Variants in TTC27 observed in about 807,000 individuals in gnomAD.
TTC27 encodes the protein tetratricopeptide repeat domain 27, also known as tetratricopeptide repeat protein 27.
TTC27 carries 79 observed loss-of-function variants against 115.9 expected under a neutral mutation model. That is an observed-to-expected ratio of 0.68 (90% CI 0.57 to 0.82). TTC27 has a LOEUF of 0.82. Among genes scored for constraint, TTC27 ranks in the 40% least tolerant of loss-of-function variants. The pLI, the probability that TTC27 is intolerant of heterozygous loss-of-function variation, is 0.00. For missense variants in TTC27, 1,054 were observed against 993.1 expected, an observed-to-expected ratio of 1.06 and a Z score of -0.82; for synonymous variants, 401 against 356.0, an observed-to-expected ratio of 1.13 and a Z score of -1.42.
At chr2:32,683,929 G>T (rs1368065452) in intron 9 of TTC27, among the ~76,000 whole-genome samples, 2 of 152,096 alleles carry the variant, frequency 1.3e-5, no homozygotes, top group Non-Finnish European at 2.9e-5. Flanking sequence ...GCCAAGGTGG[G>T]CAGATCACAA....
chr2:32,727,049 C>T (rs944089692), intron 10 of TTC27, among the ~76,000 whole-genome samples: 2 of 152,176 alleles, frequency 1.3e-5, no homozygotes, highest in African/African-American at 4.8e-5. Context: ...GGGTCCCTCC[C>T]ACAACATGTG....
intron 10 of TTC27, among the ~76,000 whole-genome samples, chr2:32,714,526 A>G (rs1014553425): frequency 4.6e-5 from 7 of 152,128 alleles, no homozygotes; most frequent in African/African-American, 7.2e-5. Flanking sequence ...TGCCTTTGCT[A>G]TTGTGAATAG....
intron 7 of TTC27, among the ~76,000 whole-genome samples, chr2:32,670,208 C>T (rs114570964): frequency 0.034 from 5,242 of 152,074 alleles, 172 homozygotes; most frequent in African/African-American, 0.09. Context: ...TCCTAAAGTC[C>T]TCTTTTTTTG....
intron 16 of TTC27, among the ~76,000 whole-genome samples, chr2:32,801,153 TCA>T (rs1670921113): frequency 6.6e-6 from 1 of 152,188 alleles, no homozygotes; most frequent in Non-Finnish European, 1.5e-5. Flanking sequence ...AGAGTTTTTC[TCA>T]GTGTTTTAAC....
At chr2:32,796,012 A>G (rs1670691251) in intron 16 of TTC27, among the ~76,000 whole-genome samples, 2 of 152,176 alleles carry the variant, frequency 1.3e-5, no homozygotes, top group Non-Finnish European at 2.9e-5. Flanking sequence ...TTGGTAAGAA[A>G]TAAAATTATC....
chr2:32,637,804 A>G (rs945463677), intron 3 of TTC27, among the ~76,000 whole-genome samples: 2 of 152,200 alleles, frequency 1.3e-5, no homozygotes, highest in African/African-American at 4.8e-5. Context: ...AAGTCAGTAT[A>G]TTCACTGTAC....
In TTC27 at chr2:32,650,225, T is replaced by C; in HGVS notation, c.632T>C (p.Ile211Thr). The change falls in exon 5 of 20, where the codon ATT becomes ACT. Residue 211 changes from isoleucine (I) to threonine (T), a missense_variant. Physicochemically the swap from Ile to Thr is moderately conservative, Grantham distance 89. Transcript: ENST00000317907. ...PLLFTLAENC[I>T]DQVMKLQNLF... ...CTTTTTACTCTTGCCGAAAACTGTA[T>C]TGATCAAGGTATGTAGCAGATTTTT... 2 of 1,613,472 alleles carry C rather than the reference T, an allele frequency of 1.2e-6. No homozygotes were observed. The highest frequency in any genetic ancestry group is 1.7e-6 in the Non-Finnish European group (2 of 1,179,638).
At position 32,765,916 on chromosome 2, in the gene TTC27, C is replaced by T. The variant is rs535991229; in HGVS notation, c.1680+7397C>T. Among the ~76,000 whole-genome samples, 4 of 152,302 alleles carry T rather than the reference C, an allele frequency of 2.6e-5. No individual in the cohort carries two copies. The East Asian group carries it at 7.7e-4, about 29-fold the overall frequency. On this transcript the variant is annotated intron_variant, in intron 13 of 19. Coordinates refer to ENST00000317907, the MANE Select transcript of TTC27 (RefSeq NM_017735.5). ...AGTTAGGGCCTAGCTCTGAATTAGGCTTTGACTGAAGAGAATGTTATGGCT... is the reference window on the plus strand; with the variant it reads ...AGTTAGGGCCTAGCTCTGAATTAGGTTTTGACTGAAGAGAATGTTATGGCT...
chr2:32,782,570 G>A, intron 14 of TTC27, 56 bp from the exon 15 acceptor site: 1 of 1,524,318 alleles, frequency 6.6e-7, no homozygotes, highest in African/African-American at 1.4e-5. Context: ...TTTGGTTTAA[G>A]CAATAATTTT....
At chr2:32,722,858 G>T (rs1667972577) in intron 10 of TTC27, among the ~76,000 whole-genome samples, 1 of 152,146 alleles carries the variant, frequency 6.6e-6, no homozygotes, top group African/African-American at 2.4e-5. Flanking sequence ...TGTGGGAAAA[G>T]AACATGCAAA....
rs376112688 is a variant in TTC27, at chr2:32,664,403, C to T, written c.741C>T (p.Tyr247=). ...ATGTGTTTTTATATTATTATGAGTA[C>T]AGAAAAGCAAAAGATCAGTTGGATA... The part of the protein sequence containing the change: ...CAYVFLYYYE[Y]RKAKDQLDIA... Residue 247 remains tyrosine (Y), a synonymous_variant, in exon 6 of 20, where the codon TAC becomes TAT. Coordinates refer to ENST00000317907, the MANE Select transcript of TTC27 (RefSeq NM_017735.5). 2 of 1,612,294 alleles carry T rather than the reference C, an allele frequency of 1.2e-6. No homozygotes were observed. Among genetic ancestry groups the T allele is most frequent in the African/African-American group, 2.7e-5 (2 of 74,850 alleles).
intron 5 of TTC27, among the ~76,000 whole-genome samples, chr2:32,659,735 A>C (rs1351202944): frequency 6.6e-6 from 1 of 152,050 alleles, no homozygotes; most frequent in Non-Finnish European, 1.5e-5. Flanking sequence ...CTCATTGTTC[A>C]GCTCCTACTT....
At chr2:32,798,103 A>T (rs1392608070) in intron 16 of TTC27, among the ~76,000 whole-genome samples, 1 of 18,346 alleles carries the variant, frequency 5.5e-5, no homozygotes, top group South Asian at 2.3e-3. Context: ...AAAAAAAATT[A>T]AAAAAAAAAA....
intron 7 of TTC27, among the ~76,000 whole-genome samples, chr2:32,671,103 A>G (rs1271878784): frequency 1.3e-5 from 2 of 152,204 alleles, no homozygotes; most frequent in African/African-American, 4.8e-5. Context: ...AGTCTAATTT[A>G]TGAAGTTTTT....
chr2:32,732,016 T>TTTATTA (rs1668308569), intron 10 of TTC27, among the ~76,000 whole-genome samples: 1 of 149,918 alleles, frequency 6.7e-6, no homozygotes, highest in Non-Finnish European at 1.5e-5. Flanking sequence ...ACAATGTTGC[T>TTTATTA]TTTGTTTTTA....
Position 32,787,110 on chromosome 2 carries a change from C to T in TTC27, c.1959C>T (p.His653=). The T allele has an allele frequency of 1.9e-6, 3 of 1,613,828 alleles. No individual in the cohort carries two copies. The highest frequency in any genetic ancestry group is 2.5e-6 in the Non-Finnish European group (3 of 1,179,938). ...GEFSEAIKAY[H]RLLDLRDKYK... ...TTTCAGAAGCCATTAAAGCTTATCA[C>T]CGGCTCTTGGACTTACGTGACAAAT... is the stretch of plus-strand genomic sequence containing the variant. Residue 653 remains histidine (H), a synonymous_variant, in exon 16 of 20, where the codon CAC becomes CAT. Transcript: ENST00000317907.
At chr2:32,773,450 A>C (rs1310121643) in intron 13 of TTC27, among the ~76,000 whole-genome samples, 1 of 152,194 alleles carries the variant, frequency 6.6e-6, no homozygotes, top group African/African-American at 2.4e-5. Flanking sequence ...AGCACATGTT[A>C]ACTGCCCTGT....
chr2:32,650,267 T>G, intron 5 of TTC27, 34 bp downstream of exon 5: 1 of 1,539,748 alleles, frequency 6.5e-7, no homozygotes, highest in Non-Finnish European at 9.0e-7. Flanking sequence ...TATGGGCATG[T>G]AGCTCAGTTC....
chr2:32,805,097 A>T (rs1671084588), intron 16 of TTC27, among the ~76,000 whole-genome samples: 1 of 152,228 alleles, frequency 6.6e-6, no homozygotes, highest in Admixed American at 6.5e-5. Flanking sequence ...ATGCTTGATA[A>T]CAGGATCCAG....
Sources: gnomAD v4.1 joint callset for allele counts (sites outside exome capture counted in the v4.1 genomes callset) on GRCh38, gnomAD v4.1.1 for gene constraint, MANE v1.5 for transcripts, NCBI Gene and HGNC (gene_info 2026-07-23, HGNC 2026-07-21) for gene names.